Variants in MTUS2 observed in about 807,000 individuals in gnomAD.
MTUS2 encodes the protein microtubule associated scaffold protein 2, also known as microtubule-associated tumor suppressor candidate 2.
MTUS2 carries 40 observed loss-of-function variants against 114.1 expected under a neutral mutation model. The ratio of observed to expected loss-of-function variants is 0.35; its 90% CI spans 0.27 to 0.46. The LOEUF (loss-of-function observed/expected upper bound fraction) is 0.46. Among genes scored for constraint, MTUS2 ranks in the 20% least tolerant of loss-of-function variants. The pLI is 1.00. For missense variants in MTUS2, 1,679 were observed against 1,705.4 expected, an observed-to-expected ratio of 0.98 and a Z score of 0.27; for synonymous variants, 688 against 672.0, an observed-to-expected ratio of 1.02 and a Z score of -0.37.
Position 29,460,418 on chromosome 13 carries a change from C to T in MTUS2, c.3185-19732C>T, listed in dbSNP as rs74042101. 3.8e-3 allele frequency among the ~76,000 whole-genome samples: 578 copies of T among 152,242 alleles called. 2 individuals are homozygous for T. Among genetic ancestry groups the T allele is most frequent in the African/African-American group, 0.014 (562 of 41,554 alleles). On this transcript the variant is annotated intron_variant, in intron 9 of 15. Coordinates refer to ENST00000612955, the MANE Select transcript of MTUS2 (RefSeq NM_001033602.4). ...TACTCCCAGAGACACTGTCCTAAAG[C>T]GCAGGCATCAGCAACTTGTTCTTGT...
chr13:29,117,776 C>T (rs543033565), intron 5 of MTUS2, among the ~76,000 whole-genome samples: 5 of 152,296 alleles, frequency 3.3e-5, no homozygotes, highest in Admixed American at 6.5e-5. Flanking sequence ...CACCCATTTA[C>T]GCTGACCCCT....
At chr13:29,132,419 T>G (rs1480807477) in intron 5 of MTUS2, among the ~76,000 whole-genome samples, 2 of 152,210 alleles carry the variant, frequency 1.3e-5, no homozygotes, top group Admixed American at 1.3e-4. Context: ...TACAGTTCAG[T>G]GGCAGTAAGT....
chr13:29,353,849 G>C (rs1869506318), intron 7 of MTUS2, among the ~76,000 whole-genome samples: 2 of 152,080 alleles, frequency 1.3e-5, no homozygotes, highest in Admixed American at 1.3e-4. Flanking sequence ...TCTAAGTATT[G>C]TCCCACTAAT....
intron 2 of MTUS2, among the ~76,000 whole-genome samples, chr13:28,876,655 G>C (rs1277442262): frequency 6.6e-6 from 1 of 152,146 alleles, no homozygotes; most frequent in Non-Finnish European, 1.5e-5. Flanking sequence ...CCACATTCCT[G>C]AACCCATCAC....
At chr13:29,081,037 C>G (rs1223471294) in intron 4 of MTUS2, among the ~76,000 whole-genome samples, 1 of 152,264 alleles carries the variant, frequency 6.6e-6, no homozygotes, top group South Asian at 2.1e-4. Context: ...AGATGTTAAT[C>G]TCCTTTGGCA....
At chr13:29,363,454 A>G (rs1271946963) in intron 8 of MTUS2, among the ~76,000 whole-genome samples, 1 of 152,124 alleles carries the variant, frequency 6.6e-6, no homozygotes, top group African/African-American at 2.4e-5. Context: ...GCATTTTTGG[A>G]CTTTCTAAAC....
At chr13:29,199,225 T>C (rs1049132798) in intron 5 of MTUS2, among the ~76,000 whole-genome samples, 12 of 152,186 alleles carry the variant, frequency 7.9e-5, no homozygotes, top group Middle Eastern at 3.2e-3. Flanking sequence ...TCCAATACTA[T>C]GTTGAATAGG....
At chr13:29,083,788 G>A (rs1889550027) in intron 4 of MTUS2, among the ~76,000 whole-genome samples, 1 of 152,038 alleles carries the variant, frequency 6.6e-6, no homozygotes, top group African/African-American at 2.4e-5. Flanking sequence ...ATGGTCCATG[G>A]GGTCTCATTT....
At chr13:29,473,334 T>G in intron 9 of MTUS2, among the ~76,000 whole-genome samples, 1 of 152,254 alleles carries the variant, frequency 6.6e-6, no homozygotes, top group South Asian at 2.1e-4. Flanking sequence ...TTTGGCTGCC[T>G]CTTTGGAAAA....
chr13:29,270,208 CT>C (rs2139499237), intron 5 of MTUS2, among the ~76,000 whole-genome samples: 1 of 152,264 alleles, frequency 6.6e-6, no homozygotes, highest in Admixed American at 6.5e-5. Flanking sequence ...TTATTAAGTG[CT>C]TTTACCACCA....
chr13:29,418,750 G>C (rs1875861186), intron 8 of MTUS2, among the ~76,000 whole-genome samples: 1 of 152,198 alleles, frequency 6.6e-6, no homozygotes, highest in South Asian at 2.1e-4. Flanking sequence ...AGATGTTGGA[G>C]CTCCCTTCAC....
intron 6 of MTUS2, among the ~76,000 whole-genome samples, chr13:29,303,828 C>G (rs1459111991): frequency 6.6e-6 from 1 of 152,114 alleles, no homozygotes; most frequent in Non-Finnish European, 1.5e-5. Context: ...CCCCAAGACA[C>G]AGAATCATCA....
chr13:29,478,366 A>T (rs1403335501), intron 9 of MTUS2, among the ~76,000 whole-genome samples: 1 of 152,148 alleles, frequency 6.6e-6, no homozygotes, highest in Non-Finnish European at 1.5e-5. Context: ...ACATGGGGAG[A>T]TATGAGGTTC....
At chr13:28,826,039 T>C (rs1010973205) in intron 1 of MTUS2, among the ~76,000 whole-genome samples, 1 of 152,212 alleles carries the variant, frequency 6.6e-6, no homozygotes, top group Non-Finnish European at 1.5e-5. Flanking sequence ...TACTCCTCTT[T>C]AGCTTTTGTA....
chr13:29,091,685 A>C (rs1023747073), intron 4 of MTUS2, among the ~76,000 whole-genome samples: 1 of 152,190 alleles, frequency 6.6e-6, no homozygotes, highest in Non-Finnish European at 1.5e-5. Context: ...TCATTCTTAG[A>C]AATACAGATA....
chr13:29,441,055 G>C (rs1337794438), intron 9 of MTUS2, among the ~76,000 whole-genome samples: 2 of 152,086 alleles, frequency 1.3e-5, no homozygotes, highest in Non-Finnish European at 2.9e-5. Context: ...GTCTGCAATG[G>C]TCTCTTCTCC....
At chr13:28,940,601 AAG>A (rs1422486153) in intron 2 of MTUS2, among the ~76,000 whole-genome samples, 1 of 152,158 alleles carries the variant, frequency 6.6e-6, no homozygotes, top group Non-Finnish European at 1.5e-5. Flanking sequence ...ATAGAACTAT[AAG>A]AGAGTAGAAC....
chr13:28,987,248 G>A (rs1025142916), intron 2 of MTUS2, among the ~76,000 whole-genome samples: 9 of 152,172 alleles, frequency 5.9e-5, no homozygotes, highest in Non-Finnish European at 1.3e-4. Flanking sequence ...GCAACCCTGG[G>A]TGAAAAGATG....
chr13:28,855,287 G>C (rs1437478858), intron 2 of MTUS2, among the ~76,000 whole-genome samples: 2 of 151,894 alleles, frequency 1.3e-5, no homozygotes, highest in African/African-American at 4.8e-5. Flanking sequence ...TAAGTTCCAG[G>C]ATACATGTGC....
Sources: allele counts gnomAD v4.1 joint callset (sites outside exome capture counted in the v4.1 genomes callset), GRCh38; gene constraint gnomAD v4.1.1; transcripts MANE v1.5; gene names NCBI Gene and HGNC (gene_info 2026-07-23, HGNC 2026-07-21).